Variants in RASAL1 observed in about 807,000 individuals in gnomAD.
RASAL1 encodes the protein rasGAP-activating-like protein 1.
A neutral mutation model predicts 96.6 loss-of-function variants in RASAL1; 72 were observed. The observed-to-expected ratio is 0.75, with a 90% CI of 0.62 to 0.91. The LOEUF (loss-of-function observed/expected upper bound fraction) is 0.91. Ranked by LOEUF, RASAL1 falls within the 40% of genes least tolerant of loss-of-function variation. RASAL1 has a pLI of 0.00. For synonymous variants in RASAL1, 405 were observed against 430.4 expected, an observed-to-expected ratio of 0.94 and a Z score of 0.73; for missense variants, 1,016 against 1,072.5, an observed-to-expected ratio of 0.95 and a Z score of 0.74.
chr12:113,109,425 C>T (rs1950781341), intron 13 of RASAL1, among the ~76,000 whole-genome samples: 2 of 152,202 alleles, frequency 1.3e-5, no homozygotes, highest in Non-Finnish European at 2.9e-5. Flanking sequence ...CCAACCTCTG[C>T]CCTCTACAAA....
At chr12:113,124,258 A>T (rs1951404128) in intron 4 of RASAL1, among the ~76,000 whole-genome samples, 1 of 151,510 alleles carries the variant, frequency 6.6e-6, no homozygotes, top group Non-Finnish European at 1.5e-5. Flanking sequence ...AAGTCCAACA[A>T]TGTATTAGGA....
chr12:113,113,216 G>A (rs1245133502), intron 12 of RASAL1, among the ~76,000 whole-genome samples: 3 of 152,158 alleles, frequency 2.0e-5, no homozygotes, highest in Non-Finnish European at 2.9e-5. Flanking sequence ...CAGCCCCACT[G>A]TGTCCTGGAC....
In RASAL1 at chr12:113,115,075, C is replaced by A. The variant is rs1449150486; in HGVS notation, c.1068+125G>T. ...ACTCAGGGCAAGGCCGGGCACCAGC[C>A]GCCAGCACTGCAGCTCGGCTGCTCA... is the stretch of plus-strand genomic sequence containing the variant. On this transcript the variant is annotated intron_variant, in intron 11 of 20. Transcript: ENST00000548055. The surrounding 1 kb of genome is among the most constrained non-coding windows in gnomAD (Gnocchi z 4.1). The A allele has an allele frequency of 8.5e-7, 1 of 1,181,464 alleles. No homozygotes were observed. Among genetic ancestry groups the A allele is most frequent in the East Asian group, 2.3e-5 (1 of 42,834 alleles). The allele number at this position is 1,181,464 out of a possible 1,614,324, so 73.2% of individuals were successfully genotyped here.
chr12:113,111,084 AC>A (rs1279302854), intron 13 of RASAL1, among the ~76,000 whole-genome samples: 1 of 148,876 alleles, frequency 6.7e-6, no homozygotes, highest in Non-Finnish European at 1.5e-5. Context: ...TCTCCCTACC[AC>A]CCCACGCGCT....
Position 113,130,223 on chromosome 12 carries a change from C to A in RASAL1, c.122+662G>T, listed in dbSNP as rs1951649341. On this transcript the variant is annotated intron_variant, in intron 2 of 20. Transcript: ENST00000548055. This position sits in a 1 kb window ranked among gnomAD's most constrained non-coding sequence, Gnocchi z 5.1. ...GGGGTGGGAGCCAAGCAGGGCGCAG[C>A]CTGATATCCCCCTGCGAGACTCACT... Among the ~76,000 whole-genome samples, 1 of 152,184 alleles carries A rather than the reference C, an allele frequency of 6.6e-6. No individual in the cohort carries two copies. The highest frequency in any genetic ancestry group is 6.5e-5 in the Admixed American group (1 of 15,282).
At chr12:113,100,587 C>T in intron 20 of RASAL1, 41 bp downstream of exon 20, 1 of 1,561,626 alleles carries the variant, frequency 6.4e-7, no homozygotes, top group Non-Finnish European at 8.8e-7. Context: ...GTGTGAGCCA[C>T]TGCACCCAGC....
Position 113,128,124 on chromosome 12 carries a change from C to T in RASAL1, c.177G>A (p.Val59=), listed in dbSNP as rs1342211469. The T allele has an allele frequency of 6.2e-7, 1 of 1,613,956 alleles. No homozygotes were observed. Residue 59 remains valine, a synonymous_variant, in exon 3 of 21, where the codon GTG becomes GTA. Transcript: ENST00000548055. ...LGPFWGEEYT[V]HLPLDFHQLA... ...GCTGGTGGAAATCCAGAGGCAGGTG[C>T]ACCGTGTACTCCTCCCCCCAGAAGG...
intron 7 of RASAL1, among the ~76,000 whole-genome samples, chr12:113,118,040 A>G (rs1343719412): frequency 1.3e-5 from 2 of 152,148 alleles, no homozygotes; most frequent in African/African-American, 4.8e-5. Context: ...CCTGACCAAC[A>G]TGATGAAACC....
Position 113,115,873 on chromosome 12 carries a change from G to A in RASAL1, c.849+61C>T, listed in dbSNP as rs1951063036. ...CTAGATAGGGCTCCGTGAGGCAGGG[G>A]GAGGCCAGGATCCAGACCCCCGGCA... On this transcript the variant is annotated intron_variant, in intron 9 of 20. Transcript: ENST00000548055. The surrounding 1 kb of genome is among the most constrained non-coding windows in gnomAD (Gnocchi z 4.1). 4 of 1,587,666 alleles carry A rather than the reference G, an allele frequency of 2.5e-6. No individual in the cohort carries two copies. Among genetic ancestry groups the A allele is most frequent in the Non-Finnish European group, 8.6e-7 (1 of 1,163,944 alleles).
chr12:113,125,056 G>C (rs888055843), intron 4 of RASAL1, among the ~76,000 whole-genome samples: 1 of 149,798 alleles, frequency 6.7e-6, no homozygotes, highest in East Asian at 1.9e-4. Context: ...GAGGCCAGGA[G>C]TTCAAGATCA....
chr12:113,126,688 TCA>T (rs71455143), intron 4 of RASAL1, among the ~76,000 whole-genome samples: 7,385 of 138,674 alleles, frequency 0.053, 249 homozygotes, highest in African/African-American at 0.11. Flanking sequence ...TCTCTCTCTC[TCA>T]CACACACACA....
At chr12:113,102,322 C>T (rs1950478212) in intron 18 of RASAL1, among the ~76,000 whole-genome samples, 1 of 152,208 alleles carries the variant, frequency 6.6e-6, no homozygotes, top group Non-Finnish European at 1.5e-5. Context: ...CTTTGGGAGG[C>T]CAAGGTGGGT....
At chr12:113,119,016 G>A in intron 7 of RASAL1, 112 bp downstream of exon 7, 1 of 1,333,152 alleles carries the variant, frequency 7.5e-7, no homozygotes. Flanking sequence ...AACCTGATGA[G>A]GCAGCTGTAC....
At chr12:113,111,621 T>C (rs1206901022) in intron 13 of RASAL1, among the ~76,000 whole-genome samples, 1 of 152,146 alleles carries the variant, frequency 6.6e-6, no homozygotes, top group African/African-American at 2.4e-5. Flanking sequence ...TGAGACAGAG[T>C]CTATCTCTGT....
At chr12:113,120,239 G>C (rs1322525926) in intron 5 of RASAL1, among the ~76,000 whole-genome samples, 1 of 152,126 alleles carries the variant, frequency 6.6e-6, no homozygotes, top group Non-Finnish European at 1.5e-5. Flanking sequence ...GGTTTCCTAG[G>C]AGCTGGCCCA....
At chr12:113,102,361 C>T (rs1950479534) in intron 18 of RASAL1, among the ~76,000 whole-genome samples, 2 of 152,160 alleles carry the variant, frequency 1.3e-5, no homozygotes, top group African/African-American at 4.8e-5. Context: ...AGTTTCAGAC[C>T]AGCCTGGCCA....
intron 18 of RASAL1, among the ~76,000 whole-genome samples, chr12:113,102,684 T>C (rs1950493610): frequency 6.6e-6 from 1 of 152,086 alleles, no homozygotes; most frequent in African/African-American, 2.4e-5. Flanking sequence ...ATTGCACCAC[T>C]GCACTCCAGC....
chr12:113,132,035 G>A (rs1441348978), intron 1 of RASAL1, among the ~76,000 whole-genome samples: 4 of 146,292 alleles, frequency 2.7e-5, no homozygotes, highest in Non-Finnish European at 5.9e-5. Flanking sequence ...GCAGTGGCGC[G>A]ATCTTGGTTC....
chr12:113,107,995 C>G (rs1331081709), intron 14 of RASAL1, 90 bp downstream of exon 14: 14 of 1,442,140 alleles, frequency 9.7e-6, no homozygotes, highest in Non-Finnish European at 9.2e-7. Flanking sequence ...TTCTTTGGGT[C>G]TTCTGTGGGT....
Sources: allele counts gnomAD v4.1 joint callset (sites outside exome capture counted in the v4.1 genomes callset), GRCh38; gene constraint gnomAD v4.1.1; non-coding constraint Gnocchi (gnomAD v3.1); transcripts MANE v1.5; gene names NCBI Gene and HGNC (gene_info 2026-07-23, HGNC 2026-07-21).